Variants in SMNDC1 observed in about 807,000 individuals in gnomAD.
SMNDC1 encodes survival of motor neuron-related-splicing factor 30.
Under a neutral mutation model 29.2 loss-of-function variants are expected in SMNDC1, and 5 were observed. The observed-to-expected ratio is 0.17, with a 90% confidence interval of 0.09 to 0.36. The LOEUF is 0.36. SMNDC1 is among the 10% of genes least tolerant of loss of function. SMNDC1 has a pLI of 1.00. For missense variants in SMNDC1, 142 were observed against 268.5 expected, an observed-to-expected ratio of 0.53 and a Z score of 3.29; for synonymous variants, 80 against 89.9, an observed-to-expected ratio of 0.89 and a Z score of 0.62.
At chr10:110,296,052 CAT>C (rs1249275501) in intron 4 of SMNDC1, among the ~76,000 whole-genome samples, 1 of 152,100 alleles carries the variant, frequency 6.6e-6, no homozygotes, top group Non-Finnish European at 1.5e-5. Flanking sequence ...TCCAAATAGA[CAT>C]AGTTAACAAG....
intron 4 of SMNDC1, among the ~76,000 whole-genome samples, chr10:110,295,880 G>A (rs1857556652): frequency 6.6e-6 from 1 of 152,174 alleles, no homozygotes; most frequent in Admixed American, 6.5e-5. Flanking sequence ...GGCCTCAAGT[G>A]ATCTGCCTGC....
intron 2 of SMNDC1, chr10:110,300,881 C>T (rs2134503360): frequency 5.2e-6 from 1 of 191,764 alleles, no homozygotes; most frequent in East Asian, 1.9e-4. Context: ...TTTATCACAC[C>T]CACTTTTTTA....
rs1018238388 is a variant in SMNDC1 at position 110,294,835 on chromosome 10, A to C, written c.579+393T>G. On this transcript the variant is annotated intron_variant, in intron 5 of 5. Coordinates refer to ENST00000369603, the MANE Select transcript of SMNDC1 (RefSeq NM_005871.4). ...TGAATGCTACAGTTATTTTCTACCC[A>C]ACACACACAAGGTAAGTGTATCAAG... Among the ~76,000 whole-genome samples the C allele has an allele frequency of 2.6e-5, 4 of 152,366 alleles. No homozygotes were observed. The East Asian group carries it at 7.7e-4, about 29-fold the overall frequency.
intron 5 of SMNDC1, 37 bp downstream of exon 5, chr10:110,295,191 T>C (rs1564732740): frequency 1.3e-6 from 2 of 1,542,676 alleles, no homozygotes; most frequent in Non-Finnish European, 1.7e-6. Flanking sequence ...GACAGTTGCA[T>C]TTCTCAAATT....
rs932615450 is a variant in SMNDC1, at chr10:110,293,057, CTTTA to C, written c.*1089_*1092del. The C allele has an allele frequency of 2.0e-5, 3 of 152,156 alleles. No homozygotes were observed. Among genetic ancestry groups the C allele is most frequent in the African/African-American group, 4.8e-5 (2 of 41,426 alleles). 9.4% of individuals were successfully genotyped at this position (152,156 alleles called of 1,614,324 possible). A position where few individuals can be genotyped will look rare whatever the true frequency, so the allele number is the denominator to read the frequency against. On this transcript the variant is annotated 3_prime_UTR_variant, in exon 6 of 6. Transcript: ENST00000369603. ...ACACACCCTGGAGATTTTAAAAACACTTTATTTAATAAAAGTTAAACATACAAAA... is the reference window on the plus strand; with the variant it reads ...ACACACCCTGGAGATTTTAAAAACACTTTAATAAAAGTTAAACATACAAAA...
At chr10:110,298,075 G>A (rs1222065301) in intron 3 of SMNDC1, among the ~76,000 whole-genome samples, 1 of 152,018 alleles carries the variant, frequency 6.6e-6, no homozygotes, top group Non-Finnish European at 1.5e-5. Flanking sequence ...TTCAACCTCC[G>A]CCTCCCAGGT....
intron 4 of SMNDC1, among the ~76,000 whole-genome samples, chr10:110,296,850 C>A (rs1293474815): frequency 2.6e-5 from 4 of 152,126 alleles, no homozygotes; most frequent in Non-Finnish European, 5.9e-5. Context: ...GTGCTCACCT[C>A]CCCCCTTTAA....
At chr10:110,301,479 A>G (rs566712458) in intron 2 of SMNDC1, among the ~76,000 whole-genome samples, 68 of 152,380 alleles carry the variant, frequency 4.5e-4, no homozygotes, top group Non-Finnish European at 8.2e-4. Flanking sequence ...AACTCTGATC[A>G]AGACTGGTCA....
chr10:110,299,113 A>G (rs1256321471), intron 2 of SMNDC1, among the ~76,000 whole-genome samples: 1 of 152,220 alleles, frequency 6.6e-6, no homozygotes, highest in African/African-American at 2.4e-5. Context: ...CTCTCTAAAG[A>G]TGAGAAAGTC....
intron 2 of SMNDC1, among the ~76,000 whole-genome samples, chr10:110,301,112 T>C (rs1374046528): frequency 2.0e-5 from 3 of 152,180 alleles, no homozygotes; most frequent in East Asian, 1.9e-4. Flanking sequence ...CACAAGAAAT[T>C]AGAAACCATA....
chr10:110,303,471 T>C lies in SMNDC1; in HGVS notation c.117A>G (p.Leu39=). The C allele has an allele frequency of 1.3e-6, 2 of 1,583,524 alleles. No homozygotes were observed. Among genetic ancestry groups the C allele is most frequent in the Non-Finnish European group, 1.7e-6 (2 of 1,170,488 alleles). ...ACAATTGTCTACCCATACTTACTTG[T>C]AAATCTTTCTTCAATTTTAGCAAAT... ...NEDLLKLKKD[L]QEVIELTKDL... is the part of the protein sequence containing the mutation. Residue 39 remains leucine, a synonymous_variant, in exon 2 of 6, where the codon TTA becomes TTG. Transcript: ENST00000369603.
chr10:110,304,065 G>A, intron 1 of SMNDC1: 1 of 152,936 alleles, frequency 6.5e-6, no homozygotes, highest in African/African-American at 2.4e-5. Flanking sequence ...TCAATTAAGA[G>A]TGTATTTAAA....
chr10:110,295,766 C>T lies in SMNDC1; in HGVS notation c.426-385G>A, dbSNP rs925457517. ...AAGAGATTCTTGTGCCTCACCCTCC[C>T]AAGTAGCTGGGACTACAGGCACATG... On this transcript the variant is annotated intron_variant, in intron 4 of 5. Transcript: ENST00000369603. Among the ~76,000 whole-genome samples, 4 of 152,132 alleles carry T rather than the reference C, an allele frequency of 2.6e-5. No homozygotes were observed. In the East Asian group the frequency reaches 5.8e-4, roughly 22 times the overall value.
chr10:110,298,623 T>TTAA (rs1857601503), intron 3 of SMNDC1, 25 bp downstream of exon 3: 1 of 1,576,776 alleles, frequency 6.3e-7, no homozygotes, highest in Non-Finnish European at 8.6e-7. Flanking sequence ...CATGTTATAG[T>TTAA]TAGAGTTTTT....
In SMNDC1 at chr10:110,293,562, C is replaced by G. The variant is rs185098188; in HGVS notation, c.*588G>C. The G allele has an allele frequency of 1.7e-4, 26 of 152,182 alleles. No individual in the cohort carries two copies. Among genetic ancestry groups the G allele is most frequent in the African/African-American group, 6.0e-4 (25 of 41,536 alleles). 9.4% of individuals were successfully genotyped at this position (152,182 alleles called of 1,614,324 possible). A position where few individuals can be genotyped will look rare whatever the true frequency, so the allele number is the denominator to read the frequency against. On this transcript the variant is annotated 3_prime_UTR_variant, in exon 6 of 6. Coordinates refer to ENST00000369603, the MANE Select transcript of SMNDC1 (RefSeq NM_005871.4). ...GGTTTCTTACATAAAACTAAGAGTA[C>G]ATAAAAATAAAACAGCTAGATCAAT...
intron 4 of SMNDC1, among the ~76,000 whole-genome samples, chr10:110,297,011 CATTAATA>C (rs1167709854): frequency 6.6e-6 from 1 of 152,196 alleles, no homozygotes; most frequent in Non-Finnish European, 1.5e-5. Context: ...TCATAATGCT[CATTAATA>C]ACAAAGAATT....
chr10:110,298,778 G>A lies in SMNDC1; in HGVS notation c.133C>T (p.Leu45=). Residue 45 remains leucine, a synonymous_variant, in exon 3 of 6, where the codon CTA becomes TTA. Transcript: ENST00000369603. The part of the protein sequence containing the change: ...LKKDLQEVIE[L]TKDLLSTQPS... ...TGAGTTGACAGAAGGTCTTTGGTTA[G>A]TTCTATAACTTCCTAAAAAAGAAAA... is the stretch of plus-strand genomic sequence containing the variant. 2 of 1,601,396 alleles carry A rather than the reference G, an allele frequency of 1.2e-6. No individual in the cohort carries two copies. Among genetic ancestry groups the A allele is most frequent in the Non-Finnish European group, 1.7e-6 (2 of 1,176,290 alleles).
At position 110,293,485 on chromosome 10, in the gene SMNDC1, A is replaced by G. The variant is rs1429793258; in HGVS notation, c.*665T>C. On this transcript the variant is annotated 3_prime_UTR_variant, in exon 6 of 6. Coordinates refer to ENST00000369603, the MANE Select transcript of SMNDC1 (RefSeq NM_005871.4). The stretch of plus-strand genomic sequence containing the variant: ...AATGGAAAAAACAAAAAACAGGAAA[A>G]AAGCAAACATACAAAAAACAAAAAC... 1 of 152,450 alleles carries G rather than the reference A, an allele frequency of 6.6e-6. No individual in the cohort carries two copies. The highest frequency in any genetic ancestry group is 1.5e-5 in the Non-Finnish European group (1 of 68,024). 9.4% of individuals were successfully genotyped at this position (152,450 alleles called of 1,614,324 possible).
At chr10:110,303,815 T>C (rs116661244) in intron 1 of SMNDC1, 172 of 447,658 alleles carry the variant, frequency 3.8e-4, no homozygotes, top group African/African-American at 3.5e-3. Flanking sequence ...TTCCATACTT[T>C]AAAAAAGCAT....
Sources: gnomAD v4.1 joint callset for allele counts (sites outside exome capture counted in the v4.1 genomes callset) on GRCh38, gnomAD v4.1.1 for gene constraint, MANE v1.5 for transcripts, NCBI Gene and HGNC (gene_info 2026-07-23, HGNC 2026-07-21) for gene names.